The following NDST4 variants were observed in gnomAD, a reference collection of about 807,000 sequenced individuals.
The protein encoded by NDST4 is N-deacetylase and N-sulfotransferase 4.
A neutral mutation model predicts 100.8 loss-of-function variants in NDST4; 63 were observed. The observed-to-expected ratio is 0.62, with a 90% CI of 0.51 to 0.77. NDST4 has a LOEUF of 0.77. NDST4 is among the 30% of genes least tolerant of loss of function. The pLI is 0.00. For missense variants in NDST4, 943 were observed against 1,018.4 expected, an observed-to-expected ratio of 0.93 and a Z score of 1.01; for synonymous variants, 377 against 361.8, an observed-to-expected ratio of 1.04 and a Z score of -0.48.
chr4:114,987,213 A>G (rs528797067), intron 2 of NDST4, among the ~76,000 whole-genome samples: 2 of 152,258 alleles, frequency 1.3e-5, no homozygotes, highest in East Asian at 3.9e-4. Context: ...ATCAAGTCAA[A>G]ATCTTTTTTG....
Position 115,076,659 on chromosome 4 carries a change from C to G in NDST4, c.378G>C (p.Gly126=). The change falls in exon 2 of 14, where the codon GGG becomes GGC. Residue 126 remains glycine, a synonymous_variant. Transcript: ENST00000264363. ...TTTCATAAATAACTAAAGTATATTT[C>G]CCTTTGCCATTATCTGTAAGAGGAG... The part of the protein sequence containing the change: ...DIPPLTDNGK[G]KYTLVIYENI... 3 of 1,613,858 alleles carry G rather than the reference C, an allele frequency of 1.9e-6. No individual in the cohort carries two copies. The highest frequency in any genetic ancestry group is 1.7e-6 in the Non-Finnish European group (2 of 1,179,912).
At chr4:114,859,245 T>A (rs557710917) in intron 7 of NDST4, among the ~76,000 whole-genome samples, 2 of 152,280 alleles carry the variant, frequency 1.3e-5, no homozygotes, top group East Asian at 3.9e-4. Flanking sequence ...CCTAAGACTA[T>A]CTGACCCACC....
chr4:115,014,965 G>C (rs1727643710), intron 2 of NDST4, among the ~76,000 whole-genome samples: 1 of 152,070 alleles, frequency 6.6e-6, no homozygotes, highest in African/African-American at 2.4e-5. Context: ...TCTAGGTTAA[G>C]TGAGCAAAGT....
intron 2 of NDST4, among the ~76,000 whole-genome samples, chr4:114,995,571 C>A (rs905696609): frequency 6.6e-6 from 1 of 151,966 alleles, no homozygotes; most frequent in South Asian, 2.1e-4. Flanking sequence ...CCATTCAGAC[C>A]ATCAAATATG....
intron 6 of NDST4, among the ~76,000 whole-genome samples, chr4:114,884,915 C>T (rs1724447057): frequency 6.6e-6 from 1 of 152,058 alleles, no homozygotes; most frequent in African/African-American, 2.4e-5. Flanking sequence ...GGTTTGGAGG[C>T]CGACTCTATT....
intron 6 of NDST4, among the ~76,000 whole-genome samples, chr4:114,903,790 A>G (rs968682283): frequency 6.6e-6 from 1 of 152,054 alleles, no homozygotes; most frequent in Non-Finnish European, 1.5e-5. Flanking sequence ...AAAGCAACAT[A>G]GGCACTATTT....
intron 11 of NDST4, 42 bp downstream of exon 11, chr4:114,839,336 T>C (rs768524872): frequency 6.5e-7 from 1 of 1,539,470 alleles, no homozygotes; most frequent in South Asian, 1.2e-5. Flanking sequence ...TTTCAGGACA[T>C]TATAATAAAA....
intron 2 of NDST4, among the ~76,000 whole-genome samples, chr4:115,010,511 G>T (rs1727519777): frequency 7.9e-6 from 1 of 126,886 alleles, no homozygotes; most frequent in Non-Finnish European, 1.7e-5. Context: ...ACAGGAAGGG[G>T]AACATCACAC....
intron 6 of NDST4, among the ~76,000 whole-genome samples, chr4:114,879,212 C>T (rs948201136): frequency 1.3e-5 from 2 of 152,034 alleles, no homozygotes; most frequent in African/African-American, 4.8e-5. Flanking sequence ...TTGAAATATA[C>T]AATACATTAT....
intron 11 of NDST4, among the ~76,000 whole-genome samples, chr4:114,836,164 C>T (rs1238809987): frequency 1.3e-5 from 2 of 152,142 alleles, no homozygotes; most frequent in Non-Finnish European, 2.9e-5. Context: ...ATGATGCTAG[C>T]TGGTTATTTT....
intron 2 of NDST4, among the ~76,000 whole-genome samples, chr4:115,034,298 C>T (rs1578471518): frequency 6.6e-6 from 1 of 152,052 alleles, no homozygotes; most frequent in South Asian, 2.1e-4. Flanking sequence ...ATCTGCCCTG[C>T]TAGCCGATGC....
In NDST4 at chr4:115,081,962, T is replaced by G. The variant is rs1027745142; in HGVS notation, c.-246-4680A>C. Among the ~76,000 whole-genome samples, 12 of 152,322 alleles carry G rather than the reference T, an allele frequency of 7.9e-5. No homozygotes were observed. The South Asian group carries it at 2.5e-3, about 32-fold the overall frequency. On this transcript the variant is annotated intron_variant, in intron 1 of 13. Transcript: ENST00000264363. ...GCTTTGGTCCCAATTCTTCTTAATCTGACTTTCCATGTTCTAATAAATCTT... is the reference window on the plus strand; with the variant it reads ...GCTTTGGTCCCAATTCTTCTTAATCGGACTTTCCATGTTCTAATAAATCTT...
intron 2 of NDST4, among the ~76,000 whole-genome samples, chr4:115,015,960 A>G (rs1323585890): frequency 6.6e-6 from 1 of 152,024 alleles, no homozygotes; most frequent in African/African-American, 2.4e-5. Context: ...CTAGCATGGA[A>G]GGAGCAGCAT....
chr4:114,867,678 A>AAG (rs1724062855), intron 7 of NDST4, among the ~76,000 whole-genome samples: 1 of 147,164 alleles, frequency 6.8e-6, no homozygotes, highest in Non-Finnish European at 1.5e-5. Flanking sequence ...AAAAAAAAAA[A>AAG]AAAAGAAAGA....
chr4:114,888,028 C>T (rs914244494), intron 6 of NDST4, among the ~76,000 whole-genome samples: 2 of 152,032 alleles, frequency 1.3e-5, no homozygotes, highest in East Asian at 3.9e-4. Context: ...CTTGGCGAAA[C>T]CCTGACTCTA....
At chr4:114,850,052 A>T (rs917737559) in intron 8 of NDST4, among the ~76,000 whole-genome samples, 12 of 152,124 alleles carry the variant, frequency 7.9e-5, no homozygotes, top group African/African-American at 1.7e-4. Context: ...AGTTTTTTTT[A>T]AAAATACTTT....
intron 6 of NDST4, among the ~76,000 whole-genome samples, chr4:114,887,266 A>AAAC (rs1198214940): frequency 3.3e-5 from 5 of 152,210 alleles, no homozygotes; most frequent in Admixed American, 3.3e-4. Context: ...CTCTTTGTTT[A>AAAC]GTGTAAAAAT....
intron 1 of NDST4, among the ~76,000 whole-genome samples, chr4:115,107,753 A>G (rs1298047176): frequency 6.6e-6 from 1 of 152,104 alleles, no homozygotes; most frequent in Non-Finnish European, 1.5e-5. Context: ...TGCCTGACAC[A>G]TATTAAAAAT....
chr4:114,933,834 T>G (rs1725567613), intron 6 of NDST4, among the ~76,000 whole-genome samples: 1 of 152,114 alleles, frequency 6.6e-6, no homozygotes, highest in African/African-American at 2.4e-5. Context: ...AAATGACTAT[T>G]AATCAAAAAG....
Sources: allele counts gnomAD v4.1 joint callset (sites outside exome capture counted in the v4.1 genomes callset), GRCh38; gene constraint gnomAD v4.1.1; transcripts MANE v1.5; gene names NCBI Gene and HGNC (gene_info 2026-07-23, HGNC 2026-07-21).